CSMD1: variants seen among roughly 807,000 people sequenced by gnomAD.
The protein encoded by CSMD1 is CUB and Sushi multiple domains 1.
A neutral mutation model predicts 417.5 loss-of-function variants in CSMD1; 213 were observed. The ratio of observed to expected loss-of-function variants is 0.51; its 90% CI spans 0.46 to 0.57. The LOEUF (loss-of-function observed/expected upper bound fraction) is 0.57, where lower values mean the gene tolerates loss of function less well. Ranked by LOEUF, CSMD1 falls within the 20% of genes least tolerant of loss-of-function variation. CSMD1 has a pLI of 0.00. For synonymous variants in CSMD1, 2,862 were observed against 1,736.8 expected (o/e 1.65, Z -16.11); for missense variants, 6,923 against 4,529.7 (o/e 1.53, Z -15.17).
At chr8:4,253,877 A>G (rs1803255555) in intron 3 of CSMD1, among the ~76,000 whole-genome samples, 1 of 151,526 alleles carries the variant, frequency 6.6e-6, no homozygotes, top group East Asian at 1.9e-4. Context: ...TTATCTACAA[A>G]GAGACACTAC....
At chr8:3,776,805 G>GATATATATATATATAT (rs1411200186) in intron 5 of CSMD1, among the ~76,000 whole-genome samples, 26 of 96,762 alleles carry the variant, frequency 2.7e-4, no homozygotes, top group Admixed American at 8.9e-4. Flanking sequence ...ACATATAGAC[G>GATATATATATATATAT]AGATATATAT....
rs966128637 is a variant in CSMD1 at position 3,497,966 on chromosome 8, T to C, written c.1345-4240A>G. 2.6e-5 allele frequency among the ~76,000 whole-genome samples: 4 copies of C among 152,218 alleles called. No homozygotes were observed. The South Asian group carries it at 6.2e-4, about 24-fold the overall frequency. On this transcript the variant is annotated intron_variant, in intron 10 of 69. Transcript: ENST00000635120. ...TTCAGATGAAGGGCTCCCATAAGCA[T>C]TTCTTGTAGGACCATTCCAGTAGTG...
intron 10 of CSMD1, among the ~76,000 whole-genome samples, chr8:3,562,186 G>A (rs1354801893): frequency 3.3e-5 from 5 of 152,092 alleles, no homozygotes; most frequent in African/African-American, 4.8e-5. Flanking sequence ...GGGGAAAGAT[G>A]GAAAGTGAAT....
Position 3,188,998 on chromosome 8 carries a change from G to T in CSMD1, c.5412C>A (p.Gly1804=). ...TIPSCVVPCS[G]NFTQRRGTIL... The stretch of plus-strand genomic sequence containing the variant: ...TTGTACCTCTTCGTTGAGTGAAATT[G>T]CCACTGCAGGGTACTAAAAGACACA... Residue 1804 remains glycine, a synonymous_variant, in exon 35 of 70, where the codon GGC becomes GGA. Coordinates refer to ENST00000635120, the MANE Select transcript of CSMD1 (RefSeq NM_033225.6). 4 of 1,612,940 alleles carry T rather than the reference G, an allele frequency of 2.5e-6. No individual in the cohort carries two copies. Among genetic ancestry groups the T allele is most frequent in the Non-Finnish European group, 3.4e-6 (4 of 1,179,338 alleles).
Position 3,074,504 on chromosome 8 carries a change from C to T in CSMD1, c.7474+12593G>A, listed in dbSNP as rs557971671. Among the ~76,000 whole-genome samples the T allele has an allele frequency of 2.0e-5, 3 of 152,340 alleles. No homozygotes were observed. The South Asian group carries it at 6.2e-4, about 32-fold the overall frequency. On this transcript the variant is annotated intron_variant, in intron 49 of 69. Transcript: ENST00000635120. Reference sequence around the variant, plus strand: ...AGAAGCTTCCAGAAGCAAGCCGTCACACCTGTAGTGGAGCAGCCTATTTGG... The same window carrying T: ...AGAAGCTTCCAGAAGCAAGCCGTCATACCTGTAGTGGAGCAGCCTATTTGG...
chr8:4,069,204 G>C (rs778379395), intron 3 of CSMD1, among the ~76,000 whole-genome samples: 1 of 152,114 alleles, frequency 6.6e-6, no homozygotes, highest in African/African-American at 2.4e-5. Context: ...TCTGATTGAG[G>C]CGTGAATGTA....
At chr8:4,920,624 C>G (rs559259841) in intron 1 of CSMD1, among the ~76,000 whole-genome samples, 34 of 151,990 alleles carry the variant, frequency 2.2e-4, no homozygotes, top group Admixed American at 1.5e-3. Context: ...GAGTTTGAGA[C>G]CAGCCTGACC....
At chr8:3,496,897 G>A (rs1269617931) in intron 10 of CSMD1, among the ~76,000 whole-genome samples, 1 of 152,114 alleles carries the variant, frequency 6.6e-6, no homozygotes, top group Non-Finnish European at 1.5e-5. Context: ...TTTCTTCATA[G>A]ACCCATTGGA....
At chr8:4,653,801 C>G (rs1010827917) in intron 1 of CSMD1, among the ~76,000 whole-genome samples, 3 of 152,084 alleles carry the variant, frequency 2.0e-5, no homozygotes, top group East Asian at 3.8e-4. Context: ...TGAAGGGAGG[C>G]ATTTGCAAAT....
chr8:4,964,624 G>A (rs1809732062), intron 1 of CSMD1, among the ~76,000 whole-genome samples: 2 of 151,098 alleles, frequency 1.3e-5, no homozygotes, highest in African/African-American at 4.9e-5. Flanking sequence ...GAAGCAGGTG[G>A]ATCTTCCAAA....
chr8:4,446,782 T>TGC (rs1156392184), intron 2 of CSMD1, among the ~76,000 whole-genome samples: 3 of 149,462 alleles, frequency 2.0e-5, no homozygotes, highest in Non-Finnish European at 4.5e-5. Flanking sequence ...TGTGTGTGTG[T>TGC]GTGTGTGTGT....
intron 2 of CSMD1, among the ~76,000 whole-genome samples, chr8:4,503,260 GC>G (rs1426918373): frequency 2.0e-5 from 3 of 152,008 alleles, no homozygotes; most frequent in Non-Finnish European, 4.4e-5. Flanking sequence ...CTTTGCCATG[GC>G]AGCCTGCTTG....
intron 3 of CSMD1, among the ~76,000 whole-genome samples, chr8:4,057,849 T>C (rs1009884144): frequency 5.3e-5 from 8 of 152,326 alleles, no homozygotes; most frequent in African/African-American, 9.6e-5. Flanking sequence ...GTTGTAGATA[T>C]GCAGCATTAT....
chr8:4,039,233 C>G (rs928802253), intron 3 of CSMD1, among the ~76,000 whole-genome samples: 31 of 152,082 alleles, frequency 2.0e-4, no homozygotes, highest in Non-Finnish European at 1.6e-4. Context: ...TACACTTTGC[C>G]TCTGTAGTAG....
At chr8:4,483,043 C>G (rs1801183622) in intron 2 of CSMD1, among the ~76,000 whole-genome samples, 2 of 152,164 alleles carry the variant, frequency 1.3e-5, no homozygotes, top group South Asian at 4.1e-4. Context: ...GAAATCTCAT[C>G]TTGGATTGGA....
chr8:3,069,298 G>C lies in CSMD1; in HGVS notation c.7475-16651C>G, dbSNP rs144608664. ...AAAAATACAAAAATTAGCTGGGTGT[G>C]GTGGCAGGCATCTGTAATCCCAGCT... On this transcript the variant is annotated intron_variant, in intron 49 of 69. Transcript: ENST00000635120. Among the ~76,000 whole-genome samples, 728 of 152,082 alleles carry C rather than the reference G, an allele frequency of 4.8e-3. 4 individuals are homozygous for C. Among genetic ancestry groups the C allele is most frequent in the African/African-American group, 0.016 (677 of 41,482 alleles).
At chr8:2,989,976 G>A (rs1458559934) in intron 54 of CSMD1, among the ~76,000 whole-genome samples, 1 of 152,160 alleles carries the variant, frequency 6.6e-6, no homozygotes, top group Non-Finnish European at 1.5e-5. Flanking sequence ...CTCAACAAAT[G>A]TGGCATTGCA....
chr8:3,423,969 G>C (rs1045881487), intron 12 of CSMD1, among the ~76,000 whole-genome samples: 4 of 152,140 alleles, frequency 2.6e-5, no homozygotes, highest in African/African-American at 4.8e-5. Context: ...AATCAGAAAA[G>C]ATTCACAGTA....
intron 5 of CSMD1, among the ~76,000 whole-genome samples, chr8:3,841,895 A>G (rs1285228704): frequency 1.3e-5 from 2 of 151,988 alleles, no homozygotes; most frequent in Admixed American, 1.3e-4. Flanking sequence ...TGGCCACGGC[A>G]AAGCCTTTCC....
Sources: allele counts gnomAD v4.1 joint callset (sites outside exome capture counted in the v4.1 genomes callset), GRCh38; gene constraint gnomAD v4.1.1; transcripts MANE v1.5; gene names NCBI Gene and HGNC (gene_info 2026-07-23, HGNC 2026-07-21).